The following FAM178B variants were observed in gnomAD, a reference collection of about 807,000 sequenced individuals.
The protein encoded by FAM178B is protein FAM178B.
Under a neutral mutation model 91.7 loss-of-function variants are expected in FAM178B, and 82 were observed. That is an observed-to-expected ratio of 0.89 (90% CI 0.75 to 1.07). The LOEUF (loss-of-function observed/expected upper bound fraction) is 1.07. Ranked by LOEUF, FAM178B falls within the 50% of genes least tolerant of loss-of-function variation. The probability of loss-of-function intolerance (pLI) is 0.00; values close to 1 mark genes in which losing one functional copy is unlikely to be tolerated. For synonymous variants in FAM178B, 368 were observed against 359.4 expected (o/e 1.02, Z -0.27); for missense variants, 769 against 846.7 (o/e 0.91, Z 1.14).
chr2:96,950,916 C>T (rs1016100723), intron 7 of FAM178B, among the ~76,000 whole-genome samples: 6 of 152,160 alleles, frequency 3.9e-5, no homozygotes, highest in Admixed American at 6.5e-5. Context: ...GCAGGATTGC[C>T]GTGGGCCCTG....
intron 6 of FAM178B, among the ~76,000 whole-genome samples, chr2:96,958,572 C>A (rs2082034106): frequency 1.3e-5 from 2 of 151,462 alleles, no homozygotes; most frequent in African/African-American, 4.8e-5. Context: ...CACCTGTAAA[C>A]CCAGCCACTC....
Position 96,929,314 on chromosome 2 carries a change from T to C in FAM178B, c.1085A>G (p.Asp362Gly), listed in dbSNP as rs1241861574. ...CAGTGAGGGGCACCACAGGTGCTTG[T>C]CTTCATCTGTCAGGCCAAAAGGGAG... ...VDGIFLQPDE[D>G]KHLWCPSLQE... The change falls in exon 9 of 17, where the codon GAC (aspartate) becomes GGC (glycine). Residue 362 changes from aspartate (D) to glycine (G), a missense_variant. By Grantham distance (94) the Asp-to-Gly change is moderately conservative. Coordinates refer to ENST00000490605, the MANE Select transcript of FAM178B (RefSeq NM_001122646.3). The C allele has an allele frequency of 1.3e-6, 2 of 1,549,982 alleles. No homozygotes were observed. The highest frequency in any genetic ancestry group is 1.7e-6 in the Non-Finnish European group (2 of 1,145,550).
At chr2:96,907,255 G>A (rs1367037079) in intron 12 of FAM178B, among the ~76,000 whole-genome samples, 1 of 152,172 alleles carries the variant, frequency 6.6e-6, no homozygotes, top group Non-Finnish European at 1.5e-5. Context: ...GGAGGGGGCA[G>A]GGGGCGGGGC....
chr2:96,955,406 G>C (rs1297322102), intron 6 of FAM178B, among the ~76,000 whole-genome samples: 2 of 152,142 alleles, frequency 1.3e-5, no homozygotes, highest in African/African-American at 4.8e-5. Context: ...AGCTACTCGG[G>C]AGGCTAAGGC....
At chr2:96,879,841 T>C (rs1162786566) in intron 14 of FAM178B, among the ~76,000 whole-genome samples, 1 of 152,262 alleles carries the variant, frequency 6.6e-6, no homozygotes, top group Non-Finnish European at 1.5e-5. Context: ...CAGCGGCCTG[T>C]GGACGCCCGA....
chr2:96,936,836 A>T (rs937694711), intron 8 of FAM178B, among the ~76,000 whole-genome samples: 15 of 151,738 alleles, frequency 9.9e-5, no homozygotes, highest in Non-Finnish European at 1.5e-4. Flanking sequence ...TAAAAAAATA[A>T]CAACAGGAGG....
intron 13 of FAM178B, among the ~76,000 whole-genome samples, chr2:96,901,818 G>A (rs2080938664): frequency 6.6e-6 from 1 of 152,046 alleles, no homozygotes; most frequent in South Asian, 2.1e-4. Context: ...TGGTTAAGAT[G>A]ATTACAAAAA....
intron 12 of FAM178B, among the ~76,000 whole-genome samples, chr2:96,910,350 C>A (rs1027190658): frequency 2.0e-5 from 3 of 152,182 alleles, no homozygotes; most frequent in Non-Finnish European, 4.4e-5. Context: ...GCCTCCTCTG[C>A]ACAGTGAGGT....
chr2:96,907,140 C>T (rs777126696), intron 12 of FAM178B, among the ~76,000 whole-genome samples: 1 of 152,100 alleles, frequency 6.6e-6, no homozygotes, highest in Non-Finnish European at 1.5e-5. Flanking sequence ...ATGTGAGTGG[C>T]GAGCCCCCTT....
intron 9 of FAM178B, 142 bp downstream of exon 9, chr2:96,929,064 G>C: frequency 3.1e-6 from 2 of 642,060 alleles, no homozygotes; most frequent in Non-Finnish European, 5.6e-6. Flanking sequence ...AGGCTGAGGT[G>C]GGAGGATCAC....
chr2:96,922,499 G>A (rs1447046812), intron 10 of FAM178B, among the ~76,000 whole-genome samples: 3 of 151,698 alleles, frequency 2.0e-5, no homozygotes, highest in Non-Finnish European at 4.4e-5. Flanking sequence ...ACAGGCACGC[G>A]CCACCGCGCC....
chr2:96,947,939 G>A (rs1182355516), intron 7 of FAM178B, 37 bp from the exon 8 acceptor site: 1 of 1,138,572 alleles, frequency 8.8e-7, no homozygotes, highest in Non-Finnish European at 1.3e-6. Flanking sequence ...AAAACCTGGT[G>A]AGCTGGGTCA....
At chr2:96,885,399 C>T (rs1268082629) in intron 14 of FAM178B, among the ~76,000 whole-genome samples, 2 of 152,218 alleles carry the variant, frequency 1.3e-5, no homozygotes, top group Non-Finnish European at 2.9e-5. Flanking sequence ...CCCTTCACAG[C>T]GGGGATCTCT....
intron 13 of FAM178B, among the ~76,000 whole-genome samples, chr2:96,896,402 C>T (rs769291412): frequency 2.6e-5 from 4 of 152,226 alleles, no homozygotes; most frequent in Admixed American, 6.5e-5. Context: ...CTCCCCCACA[C>T]ACAAACCCCT....
At chr2:96,983,623 T>C (rs995758364) in intron 1 of FAM178B, among the ~76,000 whole-genome samples, 3 of 152,128 alleles carry the variant, frequency 2.0e-5, no homozygotes, top group Non-Finnish European at 2.9e-5. Flanking sequence ...AACAGTTTCA[T>C]TGTGTTGCCC....
At chr2:96,926,701 C>T (rs1327929666) in intron 9 of FAM178B, among the ~76,000 whole-genome samples, 1 of 152,198 alleles carries the variant, frequency 6.6e-6, no homozygotes, top group Non-Finnish European at 1.5e-5. Flanking sequence ...ATCTGCATGG[C>T]CCAGCTGCGG....
intron 1 of FAM178B, among the ~76,000 whole-genome samples, chr2:96,983,990 C>T (rs1011891190): frequency 7.3e-5 from 11 of 151,126 alleles, no homozygotes; most frequent in Non-Finnish European, 1.3e-4. Context: ...TTTTTTTTTC[C>T]AAGACAGTTT....
At chr2:96,877,866 T>C (rs757456515) in intron 16 of FAM178B, 24 bp downstream of exon 16, 1 of 1,608,658 alleles carries the variant, frequency 6.2e-7, no homozygotes, top group East Asian at 2.2e-5. Flanking sequence ...CCCTCCCAGG[T>C]CTGGGGGCTA....
At chr2:96,980,193 A>G (rs2082344281) in intron 1 of FAM178B, among the ~76,000 whole-genome samples, 1 of 150,982 alleles carries the variant, frequency 6.6e-6, no homozygotes, top group East Asian at 2.0e-4. Flanking sequence ...CTCATGCCTC[A>G]GCTTCCCAAG....
Sources: allele counts gnomAD v4.1 joint callset (sites outside exome capture counted in the v4.1 genomes callset), GRCh38; gene constraint gnomAD v4.1.1; transcripts MANE v1.5; gene names NCBI Gene and HGNC (gene_info 2026-07-23, HGNC 2026-07-21).